GAPDHS: variants seen among roughly 807,000 people sequenced by gnomAD.
The protein encoded by GAPDHS is glyceraldehyde-3-phosphate dehydrogenase, testis-specific.
In GAPDHS, 42 loss-of-function variants were observed where a neutral mutation model predicts 48.7. The ratio of observed to expected loss-of-function variants is 0.86; its 90% CI spans 0.67 to 1.12. The LOEUF (loss-of-function observed/expected upper bound fraction) is 1.12, where lower values mean the gene tolerates loss of function less well. Among genes scored for constraint, GAPDHS ranks in the 50% most tolerant of loss-of-function variants. The probability of loss-of-function intolerance (pLI) is 0.00; values close to 1 mark genes in which losing one functional copy is unlikely to be tolerated. For missense variants in GAPDHS, 512 were observed against 557.7 expected, an observed-to-expected ratio of 0.92 and a Z score of 0.82; for synonymous variants, 166 against 219.1, an observed-to-expected ratio of 0.76 and a Z score of 2.14.
intron 1 of GAPDHS, among the ~76,000 whole-genome samples, chr19:35,535,650 G>C (rs1038854715): frequency 2.6e-5 from 4 of 152,180 alleles, no homozygotes; most frequent in Non-Finnish European, 5.9e-5. Context: ...GCCTCCCAAA[G>C]TGCTGGGATT....
Position 35,545,289 on chromosome 19 carries a change from G to A in GAPDHS, c.*119G>A, listed in dbSNP as rs535837774. Reference sequence around the variant, plus strand: ...CGGGGCGGGCGCCCCACGCCGATGGGTCCATGGTGAAATAAAAAACAGTGC... The same window carrying A: ...CGGGGCGGGCGCCCCACGCCGATGGATCCATGGTGAAATAAAAAACAGTGC... On this transcript the variant is annotated 3_prime_UTR_variant, in exon 11 of 11. Coordinates refer to ENST00000222286, the MANE Select transcript of GAPDHS (RefSeq NM_014364.5). 3.2e-4 allele frequency: 255 copies of A among 793,546 alleles called. 3 individuals carry two copies. The South Asian group carries it at 3.5e-3, about 11-fold the overall frequency. 49.2% of individuals were successfully genotyped at this position (793,546 alleles called of 1,614,324 possible).
Position 35,543,397 on chromosome 19 carries a change from G to T in GAPDHS, c.799G>T (p.Ala267Ser), listed in dbSNP as rs372824286. 5.0e-6 allele frequency: 8 copies of T among 1,612,188 alleles called. No homozygotes were observed. In the Admixed American group the frequency reaches 6.7e-5, roughly 14 times the overall value. ...GACAGTGGACGGGCCATCAAGGAAG[G>T]CCTGGCGAGATGGGCGGGGTGCCCA... ...QKTVDGPSRK[A>S]WRDGRGAHQN... is the part of the protein sequence containing the mutation. The change falls in exon 8 of 11, where the codon GCC (alanine) becomes TCC (serine). Residue 267 changes from alanine (A) to serine (S), a missense_variant. Transcript: ENST00000222286.
At chr19:35,543,640 C>T (rs995325985) in intron 8 of GAPDHS, 25 bp from the exon 9 acceptor site, 2 of 1,610,700 alleles carry the variant, frequency 1.2e-6, no homozygotes, top group African/African-American at 2.7e-5. Context: ...GTTCTGACTC[C>T]TGTTCCTCAT....
In GAPDHS at chr19:35,542,834, T is replaced by C. The variant is rs967182577; in HGVS notation, c.660-111T>C. On this transcript the variant is annotated intron_variant, in intron 6 of 10. Transcript: ENST00000222286. ...TCCCCACAGATCCCTCTCACCCTCA[T>C]CCTGACGTTTCATAAAACCAAGTCT... 3.6e-6 allele frequency: 3 copies of C among 843,468 alleles called. No homozygotes were observed. In the Admixed American group the frequency reaches 5.3e-5, roughly 15 times the overall value. 52.2% of individuals were successfully genotyped at this position (843,468 alleles called of 1,614,324 possible).
At chr19:35,534,513 C>T (rs2071452843) in intron 1 of GAPDHS, among the ~76,000 whole-genome samples, 1 of 152,146 alleles carries the variant, frequency 6.6e-6, no homozygotes, top group African/African-American at 2.4e-5. Flanking sequence ...GGGGCAGCAC[C>T]CAGCTAGCCC....
rs769742478 is a variant in GAPDHS, at chr19:35,543,682, C to G, written c.911C>G (p.Ala304Gly). ...PELKGKLTGMAFRVPTPDVSV... is the reference protein window; with the variant it reads ...PELKGKLTGMGFRVPTPDVSV... ...TTCTCCAGGAAGCTGACAGGGATGGCGTTCCGGGTACCAACCCCGGATGTG... is the reference window on the plus strand; with the variant it reads ...TTCTCCAGGAAGCTGACAGGGATGGGGTTCCGGGTACCAACCCCGGATGTG... The change falls in exon 9 of 11, where the codon GCG becomes GGG. Residue 304 changes from alanine (A) to glycine (G), a missense_variant. Coordinates refer to ENST00000222286, the MANE Select transcript of GAPDHS (RefSeq NM_014364.5). The G allele has an allele frequency of 9.3e-6, 15 of 1,613,688 alleles. 1 individual carries two copies. In the South Asian group the frequency reaches 1.6e-4, roughly 18 times the overall value.
chr19:35,543,504 G>A lies in GAPDHS; in HGVS notation c.893+13G>A. Reference sequence around the variant, plus strand: ...CAGAGCTCAAAGGGTATGAGGACAAGAAGCTGCAACCAGGGTGGGGGCATA... The same window carrying A: ...CAGAGCTCAAAGGGTATGAGGACAAAAAGCTGCAACCAGGGTGGGGGCATA... On this transcript the variant is annotated intron_variant, in intron 8 of 10. Transcript: ENST00000222286. 6.3e-7 allele frequency: 1 copy of A among 1,594,894 alleles called. No homozygotes were observed. The highest frequency in any genetic ancestry group is 1.4e-5 in the African/African-American group (1 of 73,848).
rs2071522381 is a variant in GAPDHS at position 35,543,665 on chromosome 19, G to A, written c.894G>A (p.Gly298=). The A allele has an allele frequency of 6.2e-7, 1 of 1,613,422 alleles. No individual in the cohort carries two copies. ...AVTKVIPELK[G]KLTGMAFRVP... is the part of the protein sequence containing the mutation. The stretch of plus-strand genomic sequence containing the variant: ...CTGTTCCTCATGGGGGATTCTCCAG[G>A]AAGCTGACAGGGATGGCGTTCCGGG... The change falls in exon 9 of 11, where the codon GGG becomes GGA. Residue 298 remains glycine, a splice_region_variant and synonymous_variant. Coordinates refer to ENST00000222286, the MANE Select transcript of GAPDHS (RefSeq NM_014364.5).
At position 35,543,189 on chromosome 19, in the gene GAPDHS, GC is replaced by G. The variant is rs1250014738; in HGVS notation, c.742-150del. The stretch of plus-strand genomic sequence containing the variant: ...AAACACTGTGCAACCCTCAGGCAAG[GC>G]TGGACCCTGGCCTGCACACATCCCC... On this transcript the variant is annotated intron_variant, in intron 7 of 10. Transcript: ENST00000222286. 7.5e-6 allele frequency: 8 copies of G among 1,073,674 alleles called. No homozygotes were observed. The East Asian group carries it at 1.2e-4, about 16-fold the overall frequency. 66.5% of individuals were successfully genotyped at this position (1,073,674 alleles called of 1,614,324 possible). A position where few individuals can be genotyped will look rare whatever the true frequency, so the allele number is the denominator to read the frequency against.
chr19:35,543,267 C>T, intron 7 of GAPDHS, 73 bp from the exon 8 acceptor site: 1 of 1,568,636 alleles, frequency 6.4e-7, no homozygotes, highest in Non-Finnish European at 8.7e-7. Flanking sequence ...AGGCCACCAA[C>T]TTAGTCCTGG....
Position 35,545,086 on chromosome 19 carries a change from C to T in GAPDHS, c.1155-12C>T. ...AGGAACCCCCTTGAACCTCCCGACC[C>T]CTCCTCCACAGGTACGACAACGAAT... On this transcript the variant is annotated splice_polypyrimidine_tract_variant and intron_variant, in intron 10 of 10. Transcript: ENST00000222286. 1 of 1,613,374 alleles carries T rather than the reference C, an allele frequency of 6.2e-7. No individual in the cohort carries two copies. The highest frequency in any genetic ancestry group is 8.5e-7 in the Non-Finnish European group (1 of 1,179,292).
In GAPDHS at chr19:35,537,438, C is replaced by G. The variant is rs577746189; in HGVS notation, c.245+448C>G. Among the ~76,000 whole-genome samples the G allele has an allele frequency of 1.1e-4, 17 of 152,254 alleles. No homozygotes were observed. The East Asian group carries it at 3.1e-3, about 28-fold the overall frequency. ...GTATGTTCAGGGACAGCCAGGAAGT[C>G]AGAGTGGCTGGTGTCCACCAAGCAA... On this transcript the variant is annotated intron_variant, in intron 2 of 10. Coordinates refer to ENST00000222286, the MANE Select transcript of GAPDHS (RefSeq NM_014364.5).
intron 1 of GAPDHS, among the ~76,000 whole-genome samples, chr19:35,535,726 C>T (rs1362795541): frequency 6.6e-6 from 1 of 150,944 alleles, no homozygotes. Context: ...GGCCTCCATA[C>T]AGACCCACTG....
chr19:35,537,081 C>T, intron 2 of GAPDHS, 91 bp downstream of exon 2: 2 of 1,121,474 alleles, frequency 1.8e-6, no homozygotes, highest in Non-Finnish European at 2.6e-6. Flanking sequence ...CATTTCCCCC[C>T]ATCAATGCTT....
rs769345323 is a variant in GAPDHS at position 35,543,747 on chromosome 19, C to G, written c.976C>G (p.Pro326Ala). 1 of 1,614,030 alleles carries G rather than the reference C, an allele frequency of 6.2e-7. No homozygotes were observed. Among genetic ancestry groups the G allele is most frequent in the African/African-American group, 1.3e-5 (1 of 75,054 alleles). ...GACCTGCCGCCTCGCCCAGCCTGCC[C>G]CCTACTCAGCCATCAAGGAGGCTGT... ...DLTCRLAQPA[P>A]YSAIKEAVKA... is the part of the protein sequence containing the mutation. The change falls in exon 9 of 11, where the codon CCC (proline) becomes GCC (alanine). Residue 326 changes from proline (P) to alanine (A), a missense_variant. By Grantham distance (27) the Pro-to-Ala change is conservative (BLOSUM62 -1). Transcript: ENST00000222286.
intron 1 of GAPDHS, among the ~76,000 whole-genome samples, chr19:35,534,874 C>G (rs894185884): frequency 1.3e-5 from 2 of 152,068 alleles, no homozygotes; most frequent in South Asian, 4.2e-4. Context: ...CCCACCACCC[C>G]CCAGGTGCCT....
intron 4 of GAPDHS, among the ~76,000 whole-genome samples, chr19:35,540,482 A>G (rs1388463225): frequency 6.6e-6 from 1 of 152,192 alleles, no homozygotes; most frequent in African/African-American, 2.4e-5. Context: ...AATGGGGGGT[A>G]TCTGAGAAGA....
chr19:35,534,673 A>G (rs2071453833), intron 1 of GAPDHS, among the ~76,000 whole-genome samples: 1 of 152,004 alleles, frequency 6.6e-6, no homozygotes, highest in Non-Finnish European at 1.5e-5. Flanking sequence ...AGGTGGACAA[A>G]TCCCCTTTCT....
chr19:35,533,469 C>A lies in GAPDHS; in HGVS notation c.-59C>A. 6.7e-7 allele frequency: 1 copy of A among 1,485,554 alleles called. No homozygotes were observed. Among genetic ancestry groups the A allele is most frequent in the Non-Finnish European group, 9.4e-7 (1 of 1,064,052 alleles). 92.0% of individuals were successfully genotyped at this position (1,485,554 alleles called of 1,614,324 possible). ...CCCAGGACCCACAGCCCTGGCGCTC[C>A]GCACGCACCTCGGTAACATCACAGC... is the stretch of plus-strand genomic sequence containing the variant. On this transcript the variant is annotated 5_prime_UTR_variant, in exon 1 of 11. Coordinates refer to ENST00000222286, the MANE Select transcript of GAPDHS (RefSeq NM_014364.5).
Sources: gnomAD v4.1 joint callset for allele counts (sites outside exome capture counted in the v4.1 genomes callset) on GRCh38, gnomAD v4.1.1 for gene constraint, MANE v1.5 for transcripts, NCBI Gene and HGNC (gene_info 2026-07-23, HGNC 2026-07-21) for gene names.